The following FSTL1 variants were observed in gnomAD, a reference collection of about 807,000 sequenced individuals.
FSTL1 encodes the protein follistatin-related protein 1.
A neutral mutation model predicts 45.9 loss-of-function variants in FSTL1; 24 were observed. That is an observed-to-expected ratio of 0.52 (90% confidence interval 0.38 to 0.74). FSTL1 has a LOEUF of 0.74. Among genes scored for constraint, FSTL1 ranks in the 30% least tolerant of loss-of-function variants. The pLI is 0.00. For synonymous variants in FSTL1, 120 were observed against 137.6 expected, an observed-to-expected ratio of 0.87 and a Z score of 0.89; for missense variants, 340 against 381.8, an observed-to-expected ratio of 0.89 and a Z score of 0.91.
chr3:120,401,449 T>C (rs1391381463), intron 9 of FSTL1, among the ~76,000 whole-genome samples: 1 of 152,186 alleles, frequency 6.6e-6, no homozygotes, highest in Non-Finnish European at 1.5e-5. Flanking sequence ...TGCTGTTCTC[T>C]AGGATCCTTG....
intron 7 of FSTL1, among the ~76,000 whole-genome samples, chr3:120,404,576 ACTTG>A: frequency 6.6e-6 from 1 of 152,380 alleles, no homozygotes; most frequent in African/African-American, 2.4e-5. Context: ...TTCAGAAATA[ACTTG>A]CTCTGACGTG....
At chr3:120,450,062 G>A (rs1463859729) in intron 2 of FSTL1, among the ~76,000 whole-genome samples, 1 of 151,970 alleles carries the variant, frequency 6.6e-6, no homozygotes, top group African/African-American at 2.4e-5. Flanking sequence ...TGCTTTAACT[G>A]GAAACTCGAG....
At chr3:120,401,280 A>T (rs1936820162) in intron 9 of FSTL1, among the ~76,000 whole-genome samples, 1 of 152,144 alleles carries the variant, frequency 6.6e-6, no homozygotes, top group Non-Finnish European at 1.5e-5. Context: ...GACTTCTAGG[A>T]ACTTGTAGGA....
At chr3:120,416,126 G>A (rs763782463) in intron 2 of FSTL1, 99 bp from the exon 3 acceptor site, 129 of 920,798 alleles carry the variant, frequency 1.4e-4, no homozygotes, top group Admixed American at 3.5e-4. Flanking sequence ...GCTTTGCTCT[G>A]GAGTCATGGC....
intron 2 of FSTL1, among the ~76,000 whole-genome samples, chr3:120,446,110 A>T (rs1049598165): frequency 3.3e-5 from 5 of 152,250 alleles, no homozygotes; most frequent in African/African-American, 1.2e-4. Context: ...ACATTCTGCC[A>T]GATGTCCAGT....
At chr3:120,415,684 T>C (rs1414929390) in intron 3 of FSTL1, 3 of 440,384 alleles carry the variant, frequency 6.8e-6, no homozygotes, top group Non-Finnish European at 1.2e-5. Context: ...ATTTGACTTA[T>C]ATAAAACAAT....
At chr3:120,418,358 C>G (rs1018956177) in intron 2 of FSTL1, among the ~76,000 whole-genome samples, 2 of 152,154 alleles carry the variant, frequency 1.3e-5, no homozygotes, top group African/African-American at 4.8e-5. Context: ...GATTCCAACT[C>G]GTATCTTCAA....
At chr3:120,446,852 T>C (rs1055396081) in intron 2 of FSTL1, among the ~76,000 whole-genome samples, 1 of 152,190 alleles carries the variant, frequency 6.6e-6, no homozygotes, top group African/African-American at 2.4e-5. Context: ...GTACATCTAT[T>C]TGTAGAATTG....
chr3:120,405,147 T>C (rs1294761870), intron 6 of FSTL1, among the ~76,000 whole-genome samples, 176 bp from the exon 7 acceptor site: 4 of 152,106 alleles, frequency 2.6e-5, no homozygotes, highest in African/African-American at 2.4e-5. Context: ...GCAGAGAAGG[T>C]ACCTGTGCCC....
intron 2 of FSTL1, among the ~76,000 whole-genome samples, chr3:120,429,939 C>T (rs754426954): frequency 2.0e-5 from 3 of 152,216 alleles, no homozygotes; most frequent in Non-Finnish European, 4.4e-5. Flanking sequence ...GATCATTCCA[C>T]AGCAGTGAGA....
At position 120,393,851 on chromosome 3, in the gene FSTL1, T is replaced by C. The variant is rs1936637277; in HGVS notation, c.*3101A>G. On this transcript the variant is annotated 3_prime_UTR_variant, in exon 11 of 11. Transcript: ENST00000295633. The stretch of plus-strand genomic sequence containing the variant: ...GGCCTAAGGGAGTTTGTTCACCCTT[T>C]TCACCATGTGGGGATGCATCAAAAA... 6.6e-6 allele frequency: 1 copy of C among 152,178 alleles called. No homozygotes were observed. The highest frequency in any genetic ancestry group is 2.4e-5 in the African/African-American group (1 of 41,432). The allele number at this position is 152,178 out of a possible 1,614,324, so 9.4% of individuals were successfully genotyped here.
chr3:120,430,861 A>G (rs1298488831), intron 2 of FSTL1, among the ~76,000 whole-genome samples: 2 of 152,230 alleles, frequency 1.3e-5, no homozygotes, highest in South Asian at 2.1e-4. Flanking sequence ...ACACAATCTA[A>G]TAAGAGATAA....
At chr3:120,432,195 T>C (rs1937489363) in intron 2 of FSTL1, among the ~76,000 whole-genome samples, 1 of 152,236 alleles carries the variant, frequency 6.6e-6, no homozygotes, top group Admixed American at 6.5e-5. Context: ...GCTTGACTGC[T>C]ACACTCTCTT....
In FSTL1 at chr3:120,412,842, A is replaced by C. The variant is rs201648480; in HGVS notation, c.169-859T>G. Among the ~76,000 whole-genome samples, 10 of 126,494 alleles carry C rather than the reference A, an allele frequency of 7.9e-5. No homozygotes were observed. In the East Asian group the frequency reaches 2.4e-3, roughly 30 times the overall value. 83.0% of individuals were successfully genotyped at this position (126,494 alleles called of 152,430 possible). A position where few individuals can be genotyped will look rare whatever the true frequency, so the allele number is the denominator to read the frequency against. Reference sequence around the variant, plus strand: ...TGTGCGCGCGCGCGCGCGCGCGCACACACACACACACACACACACACACAC... The same window carrying C: ...TGTGCGCGCGCGCGCGCGCGCGCACCCACACACACACACACACACACACAC... On this transcript the variant is annotated intron_variant, in intron 3 of 10. Coordinates refer to ENST00000295633, the MANE Select transcript of FSTL1 (RefSeq NM_007085.5).
chr3:120,413,418 A>G (rs779371476), intron 3 of FSTL1, among the ~76,000 whole-genome samples: 80 of 152,096 alleles, frequency 5.3e-4, no homozygotes, highest in Non-Finnish European at 8.7e-4. Flanking sequence ...CTAGTTGTAC[A>G]ATTTTTAGGA....
At chr3:120,424,685 G>A (rs1259307) in intron 2 of FSTL1, among the ~76,000 whole-genome samples, 109,747 of 151,940 alleles carry the variant, frequency 0.72, 41,109 homozygotes, top group Middle Eastern at 0.82. Flanking sequence ...ATCCAAGAGA[G>A]ATCTCTACAG....
intron 2 of FSTL1, among the ~76,000 whole-genome samples, chr3:120,440,211 C>T (rs958654545): frequency 6.6e-6 from 1 of 152,216 alleles, no homozygotes; most frequent in African/African-American, 2.4e-5. Flanking sequence ...AACTGCATTC[C>T]AATGTGACTC....
Position 120,412,816 on chromosome 3 carries a change from ATGTGCGCGCGCGCGCGCGCGCG to A in FSTL1, c.169-855_169-834del, listed in dbSNP as rs1288047109. On this transcript the variant is annotated intron_variant, in intron 3 of 10. Transcript: ENST00000295633. ...TAGGCAGGCAGGCAAACACACACACATGTGCGCGCGCGCGCGCGCGCGCACACACACACACACACACACACAC... is the reference window on the plus strand; with the variant it reads ...TAGGCAGGCAGGCAAACACACACACACACACACACACACACACACACACAC... 5.1e-4 allele frequency among the ~76,000 whole-genome samples: 66 copies of A among 129,350 alleles called. No individual in the cohort carries two copies. The East Asian group carries it at 5.2e-3, about 10-fold the overall frequency. The allele number at this position is 129,350 out of a possible 152,430, so 84.9% of individuals were successfully genotyped here. A position where few individuals can be genotyped will look rare whatever the true frequency, so the allele number is the denominator to read the frequency against.
chr3:120,435,636 T>C (rs1294086666), intron 2 of FSTL1, among the ~76,000 whole-genome samples: 1 of 152,228 alleles, frequency 6.6e-6, no homozygotes, highest in African/African-American at 2.4e-5. Flanking sequence ...CCCAAATACA[T>C]GCACACACTT....
Sources: gnomAD v4.1 joint callset for allele counts (sites outside exome capture counted in the v4.1 genomes callset) on GRCh38, gnomAD v4.1.1 for gene constraint, MANE v1.5 for transcripts, NCBI Gene and HGNC (gene_info 2026-07-23, HGNC 2026-07-21) for gene names.